The following LARP1 variants were observed in gnomAD, a reference collection of about 807,000 sequenced individuals.
LARP1 encodes the protein la-related protein 1.
A neutral mutation model predicts 122.7 loss-of-function variants in LARP1; 36 were observed. The observed-to-expected ratio is 0.29, with a 90% CI of 0.22 to 0.39. The LOEUF is 0.39. Among genes scored for constraint, LARP1 ranks in the 10% least tolerant of loss-of-function variants. The pLI is 1.00. For missense variants in LARP1, 1,040 were observed against 1,403.6 expected, an observed-to-expected ratio of 0.74 and a Z score of 4.14; for synonymous variants, 539 against 528.7, an observed-to-expected ratio of 1.02 and a Z score of -0.27.
chr5:154,708,361 A>T (rs922947588), upstream of LARP1, among the ~76,000 whole-genome samples: 1 of 152,234 alleles, frequency 6.6e-6, no homozygotes, highest in Non-Finnish European at 1.5e-5. Context: ...AATATGTCAC[A>T]CGAGTTTTGC....
intron 1 of LARP1, among the ~76,000 whole-genome samples, chr5:154,693,691 T>C (rs1754331503): frequency 6.6e-6 from 1 of 151,740 alleles, no homozygotes. Flanking sequence ...CCGTCTCTAC[T>C]AAAAAATACA....
At position 154,759,955 on chromosome 5, in the gene LARP1, T is replaced by G. The variant is rs72797592; in HGVS notation, c.436+3762T>G. 2.1e-3 allele frequency among the ~76,000 whole-genome samples: 231 copies of G among 110,412 alleles called. 1 individual carries two copies. The highest frequency in any genetic ancestry group is 4.4e-3 in the East Asian group (15 of 3,426). 72.4% of individuals were successfully genotyped at this position (110,412 alleles called of 152,430 possible). On this transcript the variant is annotated intron_variant, in intron 1 of 18. Coordinates refer to ENST00000518297, the MANE Select transcript of LARP1 (RefSeq NM_033551.3). ...TGTTTGTTTGTTTGTTTGTTTGTTT[T>G]TTTGGAGACAGTCTGGCTCTGTCGC...
chr5:154,766,819 G>A (rs1754994406), intron 1 of LARP1, among the ~76,000 whole-genome samples: 2 of 152,192 alleles, frequency 1.3e-5, no homozygotes. Context: ...GGCTTACCCA[G>A]CCCAGTTTCC....
chr5:154,754,098 A>G (rs966566315), upstream of LARP1, among the ~76,000 whole-genome samples: 1 of 152,242 alleles, frequency 6.6e-6, no homozygotes, highest in Non-Finnish European at 1.5e-5. Flanking sequence ...ATCTGCGTTC[A>G]AAGAAGTCTT....
intron 1 of LARP1, chr5:154,685,801 A>T: frequency 2.0e-6 from 1 of 489,354 alleles, no homozygotes; most frequent in African/African-American, 2.2e-5. Flanking sequence ...CGAGACCTCA[A>T]CTCTACAATT....
intron 1 of LARP1, among the ~76,000 whole-genome samples, chr5:154,685,245 G>GA (rs112022253): frequency 0.23 from 31,429 of 136,164 alleles, 4,021 homozygotes; most frequent in East Asian, 0.5. Context: ...CAACATCTCA[G>GA]AAAAAAAAAA....
intron 1 of LARP1, among the ~76,000 whole-genome samples, chr5:154,697,216 T>TC (rs1254058981): frequency 7.3e-5 from 11 of 151,422 alleles, no homozygotes; most frequent in Non-Finnish European, 1.3e-4. Context: ...TTTTTTTTTT[T>TC]TCTTCTCTTT....
chr5:154,792,216 T>G (rs1311432691), intron 3 of LARP1, among the ~76,000 whole-genome samples: 1 of 152,222 alleles, frequency 6.6e-6, no homozygotes, highest in Non-Finnish European at 1.5e-5. Context: ...GGCCAGTGGC[T>G]TAGAGTCTTT....
At chr5:154,765,560 GT>G (rs1440384891) in intron 1 of LARP1, among the ~76,000 whole-genome samples, 1 of 152,040 alleles carries the variant, frequency 6.6e-6, no homozygotes, top group African/African-American at 2.4e-5. Context: ...CGCCTGGCCA[GT>G]TTTTTAATTT....
At chr5:154,777,437 A>G (rs1756004075) in intron 1 of LARP1, among the ~76,000 whole-genome samples, 1 of 152,010 alleles carries the variant, frequency 6.6e-6, no homozygotes, top group Non-Finnish European at 1.5e-5. Flanking sequence ...GGGAGAATCA[A>G]CTGAATCCAG....
In LARP1 at chr5:154,816,642, G is replaced by A. The variant is rs1759688932; in HGVS notation, c.*2546G>A. The A allele has an allele frequency of 6.6e-6, 1 of 152,590 alleles. No individual in the cohort carries two copies. The highest frequency in any genetic ancestry group is 1.5e-5 in the Non-Finnish European group (1 of 68,060). 9.5% of individuals were successfully genotyped at this position (152,590 alleles called of 1,614,324 possible). A position where few individuals can be genotyped will look rare whatever the true frequency, so the allele number is the denominator to read the frequency against. On this transcript the variant is annotated 3_prime_UTR_variant, in exon 19 of 19. Coordinates refer to ENST00000518297, the MANE Select transcript of LARP1 (RefSeq NM_033551.3). ...GAAGACACTTGAATTTAGGACCGAT[G>A]TATCTGTGACAAGCATGCCAGAAGT...
intron 16 of LARP1, among the ~76,000 whole-genome samples, chr5:154,809,286 T>G (rs1446850828): frequency 1.5e-4 from 22 of 150,424 alleles, no homozygotes; most frequent in Admixed American, 1.5e-3. Context: ...GCTCAAGCGA[T>G]CGTTCTGCCA....
intron 1 of LARP1, among the ~76,000 whole-genome samples, chr5:154,685,160 C>T (rs1188929473): frequency 6.6e-6 from 1 of 151,888 alleles, no homozygotes. Flanking sequence ...AGGAGAATCA[C>T]TTGAACCCGG....
intron 1 of LARP1, among the ~76,000 whole-genome samples, chr5:154,691,218 C>T (rs1754186549): frequency 6.7e-6 from 1 of 149,868 alleles, no homozygotes; most frequent in African/African-American, 2.5e-5. Context: ...GCCGAGATCG[C>T]GCCACTGCCC....
At chr5:154,726,737 G>A (rs1756237540) in intron 1 of LARP1, among the ~76,000 whole-genome samples, 1 of 152,170 alleles carries the variant, frequency 6.6e-6, no homozygotes, top group Non-Finnish European at 1.5e-5. Context: ...TATGAAGAAA[G>A]ACCTGAGACT....
chr5:154,696,411 G>A (rs1484444174), intron 1 of LARP1, among the ~76,000 whole-genome samples: 2 of 152,176 alleles, frequency 1.3e-5, no homozygotes, highest in Non-Finnish European at 2.9e-5. Context: ...TTGAAAGAAT[G>A]AAGACTGCAT....
intron 1 of LARP1, among the ~76,000 whole-genome samples, chr5:154,733,009 C>T (rs1024852315): frequency 2.6e-5 from 4 of 152,020 alleles, no homozygotes. Flanking sequence ...GTAAGTAAGG[C>T]GAAAAAGGTG....
chr5:154,717,321 C>T (rs1211081011), intron 1 of LARP1, among the ~76,000 whole-genome samples: 1 of 152,180 alleles, frequency 6.6e-6, no homozygotes, highest in Non-Finnish European at 1.5e-5. Flanking sequence ...CCCCACAAGC[C>T]TGTGGTTATT....
intron 1 of LARP1, among the ~76,000 whole-genome samples, chr5:154,720,520 G>C (rs1327579357): frequency 6.6e-6 from 1 of 152,100 alleles, no homozygotes; most frequent in Non-Finnish European, 1.5e-5. Context: ...TTTGAGACAA[G>C]CCTGAGCAAC....
Sources: gnomAD v4.1 joint callset for allele counts (sites outside exome capture counted in the v4.1 genomes callset) on GRCh38, gnomAD v4.1.1 for gene constraint, MANE v1.5 for transcripts, NCBI Gene and HGNC (gene_info 2026-07-23, HGNC 2026-07-21) for gene names.